The following CD8A variants were observed in gnomAD, a reference collection of about 807,000 sequenced individuals.
CD8A encodes CD8 subunit alpha.
Under a neutral mutation model 24.2 loss-of-function variants are expected in CD8A, and 25 were observed. That is an observed-to-expected ratio of 1.03 (90% CI 0.75 to 1.44). The LOEUF is 1.44. CD8A is among the 40% of genes most tolerant of loss of function. The probability of loss-of-function intolerance (pLI) is 0.00; values close to 1 mark genes in which losing one functional copy is unlikely to be tolerated. For missense variants in CD8A, 360 were observed against 319.7 expected (o/e 1.13, Z -0.96); for synonymous variants, 165 against 149.9 (o/e 1.10, Z -0.74).
intron 5 of CD8A, 48 bp downstream of exon 5, chr2:86,788,482 A>G: frequency 6.6e-7 from 1 of 1,515,852 alleles, no homozygotes; most frequent in Non-Finnish European, 9.1e-7. Flanking sequence ...CCAGGACCCC[A>G]CCCCAGGGCT....
chr2:86,788,136 GA>G (rs1380540756), intron 5 of CD8A, among the ~76,000 whole-genome samples: 1 of 150,762 alleles, frequency 6.6e-6, no homozygotes, highest in African/African-American at 2.4e-5. Flanking sequence ...AGCCAAGTAG[GA>G]AAAAAAATTG....
Position 86,785,661 on chromosome 2 carries a change from G to C in CD8A, c.*259C>G, listed in dbSNP as rs559636596. 1 of 667,426 alleles carries C rather than the reference G, an allele frequency of 1.5e-6. No individual in the cohort carries two copies. Among genetic ancestry groups the C allele is most frequent in the African/African-American group, 1.8e-5 (1 of 56,634 alleles). 41.3% of individuals were successfully genotyped at this position (667,426 alleles called of 1,614,324 possible). A position where few individuals can be genotyped will look rare whatever the true frequency, so the allele number is the denominator to read the frequency against. On this transcript the variant is annotated 3_prime_UTR_variant, in exon 6 of 6. Coordinates refer to ENST00000283635, the MANE Select transcript of CD8A (RefSeq NM_001768.7). ...TTCTGAGAACTCTGCGGGTAGCTCT[G>C]GCCTGCCCCTTTCCACGCCCTACCG...
At chr2:86,788,658 GT>G in intron 4 of CD8A, 98 bp from the exon 5 acceptor site, 1 of 1,159,308 alleles carries the variant, frequency 8.6e-7, no homozygotes, top group Non-Finnish European at 1.3e-6. Flanking sequence ...TGTTGCTGCT[GT>G]TTTTTGGTTT....
chr2:86,784,655 A>G lies in CD8A; in HGVS notation c.*1265T>C, dbSNP rs988161681. Reference sequence around the variant, plus strand: ...GGATGCTACAAATGTTTATTCATTAAAGCCACTCATAACAGCATAGTACAA... The same window carrying G: ...GGATGCTACAAATGTTTATTCATTAGAGCCACTCATAACAGCATAGTACAA... On this transcript the variant is annotated 3_prime_UTR_variant, in exon 6 of 6. Transcript: ENST00000283635. 13 of 405,202 alleles carry G rather than the reference A, an allele frequency of 3.2e-5. No homozygotes were observed. Among genetic ancestry groups the G allele is most frequent in the Non-Finnish European group, 4.9e-5 (10 of 202,698 alleles). The allele number at this position is 405,202 out of a possible 1,614,324, so 25.1% of individuals were successfully genotyped here.
chr2:86,794,007 A>G (rs1673398852), upstream of CD8A, among the ~76,000 whole-genome samples: 1 of 152,170 alleles, frequency 6.6e-6, no homozygotes, highest in African/African-American at 2.4e-5. Flanking sequence ...TGTGACCACA[A>G]TGACATCCGC....
At chr2:86,791,260 G>A, upstream of CD8A, 2 of 373,782 alleles carry the variant, frequency 5.4e-6, no homozygotes, top group Non-Finnish European at 1.0e-5. Flanking sequence ...CACTAAAGGC[G>A]TCTCTTGTAC....
At chr2:86,791,980 G>A (rs191064980), upstream of CD8A, among the ~76,000 whole-genome samples, 137 of 152,124 alleles carry the variant, frequency 9.0e-4, no homozygotes, top group Middle Eastern at 3.4e-3. Flanking sequence ...GGGTAGAGGC[G>A]GTTTTCTCTT....
chr2:86,798,202 T>C (rs1673544128), intron 3 of CD8A, among the ~76,000 whole-genome samples: 1 of 150,658 alleles, frequency 6.6e-6, no homozygotes, highest in Non-Finnish European at 1.5e-5. Context: ...TGAGATGGAG[T>C]TTCCCTCTTG....
chr2:86,807,161 T>A (rs1044408774), intron 2 of CD8A, among the ~76,000 whole-genome samples: 121 of 150,018 alleles, frequency 8.1e-4, no homozygotes, highest in African/African-American at 2.9e-3. Context: ...TAAAATAAAA[T>A]AAAATAAAAA....
At chr2:86,804,500 T>C (rs1291714797) in intron 2 of CD8A, among the ~76,000 whole-genome samples, 1 of 152,196 alleles carries the variant, frequency 6.6e-6, no homozygotes, top group African/African-American at 2.4e-5. Flanking sequence ...GAGAGAAGGA[T>C]GGTGGTGAAG....
At position 86,802,491 on chromosome 2, in the gene CD8A, CAT is replaced by C. The variant is rs150144727; in HGVS notation, c.-417-836_-417-835del. Among the ~76,000 whole-genome samples the C allele has an allele frequency of 4.6e-3, 705 of 152,296 alleles. 4 individuals are homozygous for C. Among genetic ancestry groups the C allele is most frequent in the African/African-American group, 0.016 (667 of 41,554 alleles). On this transcript the variant is annotated intron_variant, in intron 2 of 8. Coordinates refer to the CD8A transcript ENST00000409511. ...GTTGCAGGAAATTAAAAATTCATCT[CAT>C]GTGCTTTTTTGGCAGAGAAGTATGA...
chr2:86,790,437 G>A lies in CD8A; in HGVS notation c.294C>T (p.Phe98=). The A allele has an allele frequency of 6.2e-7, 1 of 1,614,116 alleles. No individual in the cohort carries two copies. The highest frequency in any genetic ancestry group is 8.5e-7 in the Non-Finnish European group (1 of 1,179,976). Residue 98 remains phenylalanine (F), a synonymous_variant, in exon 2 of 6, where the codon TTC becomes TTT. Coordinates refer to ENST00000283635, the MANE Select transcript of CD8A (RefSeq NM_001768.7). ...RFSGKRLGDT[F]VLTLSDFRRE... is the part of the protein sequence containing the mutation. The stretch of plus-strand genomic sequence containing the variant: ...GGCGGAAGTCGCTCAGGGTGAGGAC[G>A]AAGGTGTCCCCCAACCTCTTGCCCG...
rs2104436552 is a variant in CD8A, at chr2:86,789,420, C to A, written c.528G>T (p.Gly176=). 1.9e-6 allele frequency: 3 copies of A among 1,613,348 alleles called. No individual in the cohort carries two copies. In the East Asian group the frequency reaches 6.7e-5, roughly 36 times the overall value. ...TGTAGATATCACAGGCGAAGTCCAG[C>A]CCCCTCGTGTGCACTGACGACACCA... ...PAAGGAVHTR[G]LDFACDIYIW... is the part of the protein sequence containing the mutation. Residue 176 remains glycine, a synonymous_variant, in exon 4 of 6, where the codon GGG becomes GGT. Coordinates refer to ENST00000283635, the MANE Select transcript of CD8A (RefSeq NM_001768.7).
chr2:86,799,316 T>C (rs529224386), intron 3 of CD8A, among the ~76,000 whole-genome samples: 42 of 152,344 alleles, frequency 2.8e-4, no homozygotes, highest in Admixed American at 1.0e-3. Context: ...CCCGCCCTCC[T>C]GTTCCTTACT....
At chr2:86,802,188 C>T (rs762727543) in intron 2 of CD8A, among the ~76,000 whole-genome samples, 3 of 152,100 alleles carry the variant, frequency 2.0e-5, no homozygotes, top group Non-Finnish European at 4.4e-5. Context: ...CAGGCACCCG[C>T]CATCATGTCT....
intron 3 of CD8A, among the ~76,000 whole-genome samples, chr2:86,800,319 G>A (rs564916106): frequency 2.6e-5 from 4 of 151,440 alleles, no homozygotes; most frequent in South Asian, 2.1e-4. Context: ...AAATTTAGTC[G>A]GGCATGGTGG....
intron 3 of CD8A, among the ~76,000 whole-genome samples, chr2:86,798,018 A>G (rs570050177): frequency 2.0e-5 from 3 of 152,242 alleles, no homozygotes; most frequent in African/African-American, 7.2e-5. Flanking sequence ...TTTGTCTCCT[A>G]TATTTTGAAG....
chr2:86,784,691 AAAAG>A lies in CD8A; in HGVS notation c.*1225_*1228del, dbSNP rs1286247850. Reference sequence around the variant, plus strand: ...AACAGCATAGTACAACCCTATTTAAAAAAGAAAGACATATTTTACATGTATGTGT... The same window carrying A: ...AACAGCATAGTACAACCCTATTTAAAAAAGACATATTTTACATGTATGTGT... On this transcript the variant is annotated 3_prime_UTR_variant, in exon 6 of 6. Transcript: ENST00000283635. 5 of 449,958 alleles carry A rather than the reference AAAAG, an allele frequency of 1.1e-5. No individual in the cohort carries two copies. The highest frequency in any genetic ancestry group is 2.2e-5 in the Non-Finnish European group (5 of 224,500). 27.9% of individuals were successfully genotyped at this position (449,958 alleles called of 1,614,324 possible). A position where few individuals can be genotyped will look rare whatever the true frequency, so the allele number is the denominator to read the frequency against.
upstream of CD8A, among the ~76,000 whole-genome samples, chr2:86,792,870 G>A (rs1289749249): frequency 1.3e-5 from 2 of 150,630 alleles, no homozygotes; most frequent in Non-Finnish European, 2.9e-5. Context: ...AAGCATCCAA[G>A]ATGCTTATTC....
Sources: gnomAD v4.1 joint callset for allele counts (sites outside exome capture counted in the v4.1 genomes callset) on GRCh38, gnomAD v4.1.1 for gene constraint, MANE v1.5 for transcripts, NCBI Gene and HGNC (gene_info 2026-07-23, HGNC 2026-07-21) for gene names.